WDR91: variants seen among roughly 807,000 people sequenced by gnomAD.
WDR91 encodes the protein WD repeat domain 91, also known as WD repeat-containing protein 91.
In WDR91, 52 loss-of-function variants were observed where a neutral mutation model predicts 88.4. The observed-to-expected ratio is 0.59, with a 90% CI of 0.47 to 0.74. The LOEUF (loss-of-function observed/expected upper bound fraction) is 0.74. WDR91 is among the 30% of genes least tolerant of loss of function. WDR91 has a pLI of 0.00. For synonymous variants in WDR91, 362 were observed against 389.5 expected (o/e 0.93, Z 0.83); for missense variants, 824 against 954.5 (o/e 0.86, Z 1.80).
intron 4 of WDR91, among the ~76,000 whole-genome samples, chr7:135,206,509 C>T (rs1831790669): frequency 6.6e-6 from 1 of 151,954 alleles, no homozygotes; most frequent in Non-Finnish European, 1.5e-5. Context: ...GAATCTTAAA[C>T]CCCATAACCT....
At position 135,186,304 on chromosome 7, in the gene WDR91, A is replaced by T; in HGVS notation, c.2091T>A (p.Asp697Glu). 1.2e-6 allele frequency: 2 copies of T among 1,611,796 alleles called. No homozygotes were observed. Among genetic ancestry groups the T allele is most frequent in the Non-Finnish European group, 1.7e-6 (2 of 1,179,006 alleles). ...TCAAGCAGCTCTCCAGAACCTTCTC[A>T]TCGCCACCCAGCTGCAAGAGGACAG... ...TGGVIYKLGG[D>E]EKVLESCLSL... The change falls in exon 15 of 15, where the codon GAT becomes GAA. Residue 697 changes from aspartate (D) to glutamate (E), a missense_variant. Transcript: ENST00000354475.
chr7:135,200,773 T>C (rs1485214079), intron 6 of WDR91, among the ~76,000 whole-genome samples: 1 of 152,320 alleles, frequency 6.6e-6, no homozygotes, highest in Non-Finnish European at 1.5e-5. Context: ...TCATTTGACC[T>C]TCTCACTCTG....
At chr7:135,200,325 T>G (rs1233933590) in intron 6 of WDR91, 1 of 152,240 alleles carries the variant, frequency 6.6e-6, no homozygotes, top group East Asian at 1.9e-4. Context: ...CAATGCTATG[T>G]AAGTAATTAC....
chr7:135,198,254 G>A (rs1831448429), intron 6 of WDR91, 103 bp from the exon 7 acceptor site: 3 of 1,372,822 alleles, frequency 2.2e-6, no homozygotes, highest in South Asian at 1.4e-5. Flanking sequence ...TGGTGGGTTG[G>A]GGGCAGGTGG....
chr7:135,189,467 C>A lies in WDR91; in HGVS notation c.1660-15G>T. ...GAGAACTGGAGCTATTGAAATAAAA[C>A]AAAAATGTCAGTAGCAGATCTTCAC... On this transcript the variant is annotated splice_polypyrimidine_tract_variant and intron_variant, in intron 11 of 14. Coordinates refer to ENST00000354475, the MANE Select transcript of WDR91 (RefSeq NM_014149.4). The A allele has an allele frequency of 6.2e-7, 1 of 1,606,682 alleles. No homozygotes were observed. The highest frequency in any genetic ancestry group is 8.5e-7 in the Non-Finnish European group (1 of 1,173,786).
intron 9 of WDR91, among the ~76,000 whole-genome samples, chr7:135,194,592 G>A (rs1247710782): frequency 6.6e-6 from 1 of 152,184 alleles, no homozygotes; most frequent in African/African-American, 2.4e-5. Flanking sequence ...CTTCCCGTGG[G>A]GCCTGGCACG....
At chr7:135,188,334 G>C in intron 13 of WDR91, 99 bp downstream of exon 13, 1 of 884,846 alleles carries the variant, frequency 1.1e-6, no homozygotes. Flanking sequence ...TGCAAAAAGA[G>C]GCCCCAGGTT....
At chr7:135,187,988 C>T (rs1211759022) in intron 13 of WDR91, among the ~76,000 whole-genome samples, 1 of 152,224 alleles carries the variant, frequency 6.6e-6, no homozygotes, top group African/African-American at 2.4e-5. Context: ...TCCTAACCCT[C>T]CACAGAGGGA....
Position 135,188,524 on chromosome 7 carries a change from G to A in WDR91, c.1790C>T (p.Ala597Val), listed in dbSNP as rs766685161. 9.9e-6 allele frequency: 16 copies of A among 1,613,446 alleles called. No individual in the cohort carries two copies. The highest frequency in any genetic ancestry group is 1.3e-5 in the African/African-American group (1 of 74,868). ...RLFDMQQHEC[A>V]MSWRAHYGEV... is the part of the protein sequence containing the mutation. The stretch of plus-strand genomic sequence containing the variant: ...CCCGTAGTGGGCCCTCCAGCTCATC[G>A]CGCACTCATGCTGCTGCATGTCTGA... Residue 597 changes from alanine to valine, a missense_variant, in exon 13 of 15, where the codon GCG becomes GTG. Physicochemically the swap from Ala to Val is moderately conservative, Grantham distance 64. Transcript: ENST00000354475.
At chr7:135,187,194 G>C (rs780601842) in intron 13 of WDR91, 25 bp from the exon 14 acceptor site, 1 of 1,613,046 alleles carries the variant, frequency 6.2e-7, no homozygotes. Flanking sequence ...CACAAGCAGG[G>C]TGCTCGCAGC....
chr7:135,190,247 T>C (rs920048265), intron 11 of WDR91, among the ~76,000 whole-genome samples: 2 of 152,170 alleles, frequency 1.3e-5, no homozygotes, highest in African/African-American at 2.4e-5. Context: ...AACCGTCACA[T>C]GGAGCTGAGA....
At chr7:135,199,563 A>G (rs1227608723) in intron 6 of WDR91, 3 of 152,230 alleles carry the variant, frequency 2.0e-5, no homozygotes, top group Non-Finnish European at 2.9e-5. Flanking sequence ...TTTCAAGACA[A>G]GGCTCTGAAA....
At chr7:135,195,290 T>C (rs573996406) in intron 8 of WDR91, among the ~76,000 whole-genome samples, 3 of 152,370 alleles carry the variant, frequency 2.0e-5, no homozygotes, top group South Asian at 2.1e-4. Context: ...GTGCCAACCA[T>C]GTGCGGAGCT....
At chr7:135,207,066 T>G (rs749203163) in intron 4 of WDR91, 54 bp downstream of exon 4, 30 of 1,504,888 alleles carry the variant, frequency 2.0e-5, no homozygotes, top group Non-Finnish European at 2.5e-5. Flanking sequence ...CTACCTAATT[T>G]CACACACAAA....
chr7:135,208,669 C>A, intron 3 of WDR91, 122 bp downstream of exon 3: 1 of 840,700 alleles, frequency 1.2e-6, no homozygotes, highest in South Asian at 2.2e-5. Context: ...TCATGTGACC[C>A]ATAAAAATGG....
At chr7:135,190,576 T>A (rs1800884576) in intron 11 of WDR91, among the ~76,000 whole-genome samples, 1 of 151,844 alleles carries the variant, frequency 6.6e-6, no homozygotes, top group Non-Finnish European at 1.5e-5. Flanking sequence ...ATTAGATTTA[T>A]AATGAGAACA....
rs753921638 is a variant in WDR91, at chr7:135,196,177, T to A, written c.1211A>T (p.Tyr404Phe). 1.1e-5 allele frequency: 18 copies of A among 1,590,352 alleles called. No individual in the cohort carries two copies. The highest frequency in any genetic ancestry group is 1.5e-5 in the Non-Finnish European group (18 of 1,167,282). The stretch of plus-strand genomic sequence containing the variant: ...CATGATGGATGAGTGGTGTTCCCCG[T>A]ACTCCTCCTGTCCCAGCACAATAAA... ...QPFIVLGQEE[Y>F]GEHHSSIMHC... The change falls in exon 8 of 15, where the codon TAC becomes TTC. Residue 404 changes from tyrosine to phenylalanine, a missense_variant. Transcript: ENST00000354475. This position sits in a 1 kb window ranked among gnomAD's most constrained non-coding sequence, Gnocchi z 4.2.
intron 9 of WDR91, 92 bp downstream of exon 9, chr7:135,194,842 T>C (rs1262038815): frequency 6.6e-7 from 1 of 1,522,578 alleles, no homozygotes; most frequent in East Asian, 2.3e-5. Flanking sequence ...GGAGGGGAAC[T>C]GGCTTGGCTG....
At position 135,210,695 on chromosome 7, in the gene WDR91, T is replaced by C. The variant is rs1413270430; in HGVS notation, c.123+685A>G. 11 of 687,812 alleles carry C rather than the reference T, an allele frequency of 1.6e-5. No homozygotes were observed. The East Asian group carries it at 2.7e-4, about 17-fold the overall frequency. 42.6% of individuals were successfully genotyped at this position (687,812 alleles called of 1,614,324 possible). A position where few individuals can be genotyped will look rare whatever the true frequency, so the allele number is the denominator to read the frequency against. ...GGGTGAAATGATTTGCTTTTGCCAC[T>C]AAGTAGCCACTAACTTTGGCCAGGC... On this transcript the variant is annotated intron_variant, in intron 1 of 14. Coordinates refer to ENST00000354475, the MANE Select transcript of WDR91 (RefSeq NM_014149.4).
Sources: gnomAD v4.1 joint callset for allele counts (sites outside exome capture counted in the v4.1 genomes callset) on GRCh38, gnomAD v4.1.1 for gene constraint, Gnocchi (gnomAD v3.1) non-coding constraint, MANE v1.5 for transcripts, NCBI Gene and HGNC (gene_info 2026-07-23, HGNC 2026-07-21) for gene names.